MYMX: variants seen among roughly 807,000 people sequenced by gnomAD.
The protein encoded by MYMX is protein myomixer.
chr6:44,209,307 T>C, the MYMX span, among the ~76,000 whole-genome samples: 4 of 152,096 alleles, frequency 2.6e-5, no homozygotes, highest in Middle Eastern at 6.8e-3. Flanking sequence ...GATTGATCTC[T>C]GATAACAGGC....
At chr6:44,206,476 C>T in the MYMX span, among the ~76,000 whole-genome samples, 1 of 152,208 alleles carries the variant, frequency 6.6e-6, no homozygotes, top group Non-Finnish European at 1.5e-5. Flanking sequence ...AAATGATCCA[C>T]CTGCCTCGGC....
the MYMX span, among the ~76,000 whole-genome samples, chr6:44,198,152 C>CTTTT: frequency 7.3e-6 from 1 of 137,278 alleles, no homozygotes; most frequent in South Asian, 2.3e-4. Context: ...TCCCAAATTC[C>CTTTT]TCTTTTTTTT....
chr6:44,202,980 T>C, the MYMX span, among the ~76,000 whole-genome samples: 1 of 152,170 alleles, frequency 6.6e-6, no homozygotes, highest in South Asian at 2.1e-4. Flanking sequence ...GGTCCAAGGA[T>C]CTCACCGCTG....
At chr6:44,209,109 G>T in the MYMX span, among the ~76,000 whole-genome samples, 1 of 152,088 alleles carries the variant, frequency 6.6e-6, no homozygotes, top group Non-Finnish European at 1.5e-5. Context: ...GACTACAGGC[G>T]CATGCTGCCA....
At chr6:44,214,509 C>A (rs1775758232), upstream of MYMX, among the ~76,000 whole-genome samples, 1 of 152,184 alleles carries the variant, frequency 6.6e-6, no homozygotes. Context: ...CCATCCTGAT[C>A]CCCAGTTTCT....
the MYMX span, among the ~76,000 whole-genome samples, chr6:44,200,861 G>A: frequency 6.6e-6 from 1 of 152,142 alleles, no homozygotes; most frequent in Non-Finnish European, 1.5e-5. Context: ...CTGAGTGGGG[G>A]GTGGGGGGCA....
At chr6:44,196,120 T>G in the MYMX span, among the ~76,000 whole-genome samples, 2 of 152,138 alleles carry the variant, frequency 1.3e-5, no homozygotes, top group Non-Finnish European at 2.9e-5. Flanking sequence ...TTTTAGTATT[T>G]TTAGTAGAGA....
the MYMX span, among the ~76,000 whole-genome samples, chr6:44,207,320 T>C: frequency 2.6e-5 from 4 of 151,942 alleles, no homozygotes; most frequent in Non-Finnish European, 5.9e-5. Flanking sequence ...TTTGTATTTT[T>C]AGTAGAGATG....
the MYMX span, among the ~76,000 whole-genome samples, chr6:44,202,955 T>C: frequency 6.6e-6 from 1 of 152,240 alleles, no homozygotes; most frequent in Non-Finnish European, 1.5e-5. Flanking sequence ...TAGGAGTATC[T>C]GGGCCTTACC....
the MYMX span, among the ~76,000 whole-genome samples, chr6:44,197,995 A>G: frequency 6.6e-6 from 1 of 152,118 alleles, no homozygotes; most frequent in African/African-American, 2.4e-5. Context: ...TTCACTTTGT[A>G]GTATCTTTTG....
upstream of MYMX, among the ~76,000 whole-genome samples, chr6:44,215,621 G>A (rs185027580): frequency 7.3e-3 from 1,104 of 151,476 alleles, 7 homozygotes; most frequent in African/African-American, 0.025. Flanking sequence ...CAGGCTGGGC[G>A]TTGTGGCTCA....
At chr6:44,210,334 G>A in the MYMX span, among the ~76,000 whole-genome samples, 1 of 152,036 alleles carries the variant, frequency 6.6e-6, no homozygotes, top group African/African-American at 2.4e-5. Context: ...TATCACCCAG[G>A]CTGGAGTGCT....
the MYMX span, among the ~76,000 whole-genome samples, chr6:44,196,804 C>T: frequency 3.9e-3 from 593 of 151,894 alleles, 4 homozygotes; most frequent in African/African-American, 0.013. Context: ...ATTAAAAATA[C>T]AAAATTAGCT....
At chr6:44,208,804 G>A in the MYMX span, among the ~76,000 whole-genome samples, 2 of 152,254 alleles carry the variant, frequency 1.3e-5, no homozygotes, top group South Asian at 2.1e-4. Flanking sequence ...CACTTCAGGG[G>A]ACTCCCCACT....
the MYMX span, among the ~76,000 whole-genome samples, chr6:44,199,459 A>G: frequency 6.6e-6 from 1 of 152,008 alleles, no homozygotes; most frequent in Non-Finnish European, 1.5e-5. Context: ...CGGCCTCCCA[A>G]AGTGCTGGGA....
the MYMX span, among the ~76,000 whole-genome samples, chr6:44,197,480 C>G: frequency 6.6e-6 from 1 of 152,332 alleles, no homozygotes; most frequent in Non-Finnish European, 1.5e-5. Context: ...TTGCAGTGAG[C>G]TGAGATCATG....
At chr6:44,206,317 C>T in the MYMX span, among the ~76,000 whole-genome samples, 90 of 152,206 alleles carry the variant, frequency 5.9e-4, no homozygotes, top group African/African-American at 1.8e-3. Context: ...CTGCAACTGC[C>T]GCCTCCTGGG....
upstream of MYMX, among the ~76,000 whole-genome samples, chr6:44,215,451 C>T (rs916408195): frequency 6.6e-6 from 1 of 152,050 alleles, no homozygotes; most frequent in Non-Finnish European, 1.5e-5. Context: ...GTGGCGCCTG[C>T]CTGTGGTCCC....
the MYMX span, among the ~76,000 whole-genome samples, chr6:44,210,696 A>G: frequency 3.9e-5 from 6 of 152,236 alleles, no homozygotes; most frequent in Admixed American, 6.5e-5. Context: ...TATTCATTGT[A>G]TATCTAGATC....
Sources: allele counts gnomAD v4.1 joint callset (sites outside exome capture counted in the v4.1 genomes callset), GRCh38; gene constraint gnomAD v4.1.1; transcripts MANE v1.5; gene names NCBI Gene and HGNC (gene_info 2026-07-23, HGNC 2026-07-21).